Variants in DMXL2 observed in about 807,000 individuals in gnomAD.
DMXL2 encodes the protein Dmx like 2, also known as dmX-like protein 2.
Under a neutral mutation model 331.1 loss-of-function variants are expected in DMXL2, and 103 were observed. That is an observed-to-expected ratio of 0.31 (90% CI 0.27 to 0.37). DMXL2 has a LOEUF of 0.37. Among genes scored for constraint, DMXL2 ranks in the 10% least tolerant of loss-of-function variants. The pLI is 1.00. For missense variants in DMXL2, 3,171 were observed against 3,642.9 expected, an observed-to-expected ratio of 0.87 and a Z score of 3.33; for synonymous variants, 1,281 against 1,252.1, an observed-to-expected ratio of 1.02 and a Z score of -0.49.
chr15:51,575,818 T>G (rs1396368042), intron 2 of DMXL2, among the ~76,000 whole-genome samples: 2 of 152,104 alleles, frequency 1.3e-5, no homozygotes, highest in Non-Finnish European at 2.9e-5. Flanking sequence ...ATGCACAGGA[T>G]TGTAAGGCCT....
intron 6 of DMXL2, among the ~76,000 whole-genome samples, chr15:51,550,553 A>G (rs1043368066): frequency 6.6e-6 from 1 of 152,138 alleles, no homozygotes; most frequent in Non-Finnish European, 1.5e-5. Flanking sequence ...ACACTATTCT[A>G]TCACTAACTA....
chr15:51,474,781 A>T (rs2041426294), intron 27 of DMXL2, among the ~76,000 whole-genome samples, 189 bp from the exon 28 acceptor site: 1 of 152,212 alleles, frequency 6.6e-6, no homozygotes, highest in Admixed American at 6.5e-5. Flanking sequence ...ATTTGTCTAC[A>T]CTGATATAAT....
At chr15:51,553,383 A>T (rs2049342887) in intron 6 of DMXL2, among the ~76,000 whole-genome samples, 1 of 152,262 alleles carries the variant, frequency 6.6e-6, no homozygotes, top group South Asian at 2.1e-4. Flanking sequence ...AAAGTCTATT[A>T]TGATATGAAT....
At chr15:51,479,439 C>T (rs2041844439) in intron 25 of DMXL2, among the ~76,000 whole-genome samples, 1 of 152,182 alleles carries the variant, frequency 6.6e-6, no homozygotes, top group Non-Finnish European at 1.5e-5. Context: ...AAGATCTTAG[C>T]ACAGGGTATC....
At chr15:51,459,974 C>T (rs1004258722) in intron 33 of DMXL2, 5 of 984,760 alleles carry the variant, frequency 5.1e-6, no homozygotes, top group Non-Finnish European at 6.0e-6. Context: ...AATTAAAGCC[C>T]ATTTGTATAA....
At chr15:51,507,285 A>T in intron 15 of DMXL2, 32 bp from the exon 16 acceptor site, 1 of 1,586,834 alleles carries the variant, frequency 6.3e-7, no homozygotes, top group Non-Finnish European at 8.6e-7. Flanking sequence ...TATTTAAATT[A>T]GTATGTTTTT....
At chr15:51,560,659 A>T (rs1205430120) in intron 6 of DMXL2, among the ~76,000 whole-genome samples, 1 of 148,994 alleles carries the variant, frequency 6.7e-6, no homozygotes, top group Non-Finnish European at 1.5e-5. Context: ...ACGGATTGAG[A>T]CTCAGTCTCA....
At chr15:51,472,579 G>A (rs2041220929) in intron 28 of DMXL2, among the ~76,000 whole-genome samples, 1 of 152,028 alleles carries the variant, frequency 6.6e-6, no homozygotes, top group Admixed American at 6.6e-5. Flanking sequence ...CTGTCTCTAT[G>A]GATTTACCTA....
At chr15:51,541,251 T>A (rs1219051756) in intron 9 of DMXL2, among the ~76,000 whole-genome samples, 1 of 152,044 alleles carries the variant, frequency 6.6e-6, no homozygotes. Context: ...GCAAGACATG[T>A]TAAGTAATTT....
At chr15:51,561,876 T>C (rs1172971736) in intron 6 of DMXL2, among the ~76,000 whole-genome samples, 1 of 152,142 alleles carries the variant, frequency 6.6e-6, no homozygotes, top group Non-Finnish European at 1.5e-5. Context: ...TCCTATAACT[T>C]GTAGTAACAT....
intron 19 of DMXL2, among the ~76,000 whole-genome samples, chr15:51,491,995 T>C (rs1160994889): frequency 6.6e-6 from 1 of 152,174 alleles, no homozygotes; most frequent in African/African-American, 2.4e-5. Context: ...CCTACAAAAA[T>C]AGGGACACTA....
Position 51,545,621 on chromosome 15 carries a change from C to A in DMXL2, c.892G>T (p.Ala298Ser), listed in dbSNP as rs1318894039. Residue 298 changes from alanine to serine, a missense_variant, in exon 8 of 44, where the codon GCT (alanine) becomes TCT (serine). This residue lies in a region of DMXL2 where 1,674 missense variants were observed against 1,780.2 expected (regional missense o/e 0.94). Transcript: ENST00000560891. ...TSSIASSLSH[A>S]GRHKDRIQHA... is the part of the protein sequence containing the mutation. ...TGTATTCTGTCTTTGTGTCTTCCAG[C>A]ATGAGAAAGGCTGCTGGCAATGCTG... is the stretch of plus-strand genomic sequence containing the variant. 3 of 1,613,568 alleles carry A rather than the reference C, an allele frequency of 1.9e-6. No homozygotes were observed. The highest frequency in any genetic ancestry group is 2.5e-6 in the Non-Finnish European group (3 of 1,179,692).
chr15:51,566,231 GGGTGTGTGTGT>G (rs1567126536), intron 3 of DMXL2, among the ~76,000 whole-genome samples: 25 of 94,702 alleles, frequency 2.6e-4, no homozygotes, highest in East Asian at 2.4e-3. Flanking sequence ...TGTGTGTGTG[GGGTGTGTGTGT>G]GTGTGTGTGT....
At chr15:51,514,213 C>G (rs1385986379) in intron 15 of DMXL2, among the ~76,000 whole-genome samples, 2 of 152,094 alleles carry the variant, frequency 1.3e-5, no homozygotes, top group African/African-American at 4.8e-5. Context: ...TTAAGGTTCA[C>G]AGATACCATT....
intron 13 of DMXL2, among the ~76,000 whole-genome samples, chr15:51,530,204 C>CAA (rs551252363): frequency 9.4e-4 from 143 of 152,186 alleles, no homozygotes; most frequent in African/African-American, 3.3e-3. Context: ...CACTGTTATT[C>CAA]AACGTAGTAC....
At position 51,499,305 on chromosome 15, in the gene DMXL2, C is replaced by A. The variant is rs1043980700; in HGVS notation, c.3919G>T (p.Ala1307Ser). ...DHSTFKSNML[A>S]RKSVVEGTAI... ...GTTCCTTCAACAACACTTTTTCTTGCCAGCATATTAGATTTAAAGGTCGAA... is the reference window on the plus strand; with the variant it reads ...GTTCCTTCAACAACACTTTTTCTTGACAGCATATTAGATTTAAAGGTCGAA... The change falls in exon 18 of 44, where the codon GCA becomes TCA. Residue 1307 changes from alanine to serine, a missense_variant. This residue lies in a region of DMXL2 where 1,674 missense variants were observed against 1,780.2 expected (regional missense o/e 0.94). Coordinates refer to ENST00000560891, the MANE Select transcript of DMXL2 (RefSeq NM_001378457.1). The A allele has an allele frequency of 3.1e-6, 5 of 1,613,786 alleles. No individual in the cohort carries two copies. The African/African-American group carries it at 6.7e-5, about 22-fold the overall frequency.
intron 15 of DMXL2, among the ~76,000 whole-genome samples, chr15:51,508,107 C>G (rs919480217): frequency 6.6e-6 from 1 of 151,916 alleles, no homozygotes; most frequent in African/African-American, 2.4e-5. Flanking sequence ...TGTTCTCACT[C>G]ATAAGTGGGA....
chr15:51,622,014 C>T lies in DMXL2; in HGVS notation c.87+445G>A, dbSNP rs75331900. ...GGCAGGGGGAGCCAAGGCGCAGCAT[C>T]GCCTCCACGCTCCGAGACCAACACC... On this transcript the variant is annotated intron_variant, in intron 1 of 43. Coordinates refer to ENST00000560891, the MANE Select transcript of DMXL2 (RefSeq NM_001378457.1). Among the ~76,000 whole-genome samples, 36 of 150,966 alleles carry T rather than the reference C, an allele frequency of 2.4e-4. 1 individual carries two copies. In the East Asian group the frequency reaches 6.5e-3, roughly 27 times the overall value.
intron 1 of DMXL2, among the ~76,000 whole-genome samples, chr15:51,618,006 G>C (rs1306172284): frequency 6.6e-6 from 1 of 152,114 alleles, no homozygotes. Context: ...TACACTCCAA[G>C]AACAAAAAGG....
Sources: gnomAD v4.1 joint callset for allele counts (sites outside exome capture counted in the v4.1 genomes callset) on GRCh38, gnomAD v4.1.1 for gene constraint, gnomAD v4.1.1 regional missense constraint, MANE v1.5 for transcripts, NCBI Gene and HGNC (gene_info 2026-07-23, HGNC 2026-07-21) for gene names.